Variants in SORCS1 observed in about 807,000 individuals in gnomAD.
SORCS1 encodes sortilin related VPS10 domain containing receptor 1, also known as VPS10 domain-containing receptor SorCS1.
SORCS1 carries 60 observed loss-of-function variants against 146.1 expected under a neutral mutation model. That is an observed-to-expected ratio of 0.41 (90% CI 0.33 to 0.51). SORCS1 has a LOEUF of 0.51. SORCS1 is among the 20% of genes least tolerant of loss of function. SORCS1 has a pLI of 0.21. For synonymous variants in SORCS1, 637 were observed against 584.0 expected, an observed-to-expected ratio of 1.09 and a Z score of -1.31; for missense variants, 1,352 against 1,487.6, an observed-to-expected ratio of 0.91 and a Z score of 1.50.
chr10:106,697,672 G>T (rs1853810198), intron 9 of SORCS1, among the ~76,000 whole-genome samples: 1 of 152,036 alleles, frequency 6.6e-6, no homozygotes, highest in South Asian at 2.1e-4. Context: ...TGTGCTCCGT[G>T]CTTTGAAAGG....
At chr10:106,888,171 G>A (rs1220033760) in intron 2 of SORCS1, among the ~76,000 whole-genome samples, 1 of 152,162 alleles carries the variant, frequency 6.6e-6, no homozygotes, top group East Asian at 1.9e-4. Flanking sequence ...TTCTTCAGAA[G>A]CTGATTTGAG....
chr10:106,577,477 G>A lies in SORCS1; in HGVS notation c.3450C>T (p.His1150=), dbSNP rs780611888. Residue 1150 remains histidine (H), a synonymous_variant, in exon 26 of 26, where the codon CAC becomes CAT. Coordinates refer to ENST00000263054, the MANE Select transcript of SORCS1 (RefSeq NM_052918.5). ...GCTTTGGCGTTGAAGGCGGAGTGGC[G>A]TGTCTTGCTCTTTGCAATCGGAGAG... is the stretch of plus-strand genomic sequence containing the variant. ...DSSLRLQRAR[H]ATPPSTPKRG... 1.6e-5 allele frequency: 26 copies of A among 1,602,644 alleles called. No individual in the cohort carries two copies. The highest frequency in any genetic ancestry group is 4.5e-5 in the East Asian group (2 of 44,294).
intron 21 of SORCS1, among the ~76,000 whole-genome samples, chr10:106,616,455 A>T (rs1847368539): frequency 6.6e-6 from 1 of 152,186 alleles, no homozygotes. Flanking sequence ...ACTCTGAAAA[A>T]AATGGGGATC....
At chr10:106,716,376 T>C (rs961944930) in intron 6 of SORCS1, among the ~76,000 whole-genome samples, 2 of 152,188 alleles carry the variant, frequency 1.3e-5, no homozygotes, top group African/African-American at 4.8e-5. Context: ...AGACTATTTC[T>C]TTACATAATG....
chr10:106,796,842 G>T (rs1946583307), intron 3 of SORCS1, among the ~76,000 whole-genome samples: 1 of 152,214 alleles, frequency 6.6e-6, no homozygotes, highest in Non-Finnish European at 1.5e-5. Flanking sequence ...GGGCACAGTG[G>T]CTCTTGCCTG....
intron 2 of SORCS1, among the ~76,000 whole-genome samples, chr10:106,906,658 G>A (rs141040171): frequency 1.2e-4 from 19 of 152,252 alleles, no homozygotes; most frequent in African/African-American, 4.3e-4. Context: ...TCCACAACAC[G>A]TGGGAATTCT....
At chr10:107,036,901 A>C (rs1031475982) in intron 1 of SORCS1, among the ~76,000 whole-genome samples, 1 of 152,228 alleles carries the variant, frequency 6.6e-6, no homozygotes, top group Non-Finnish European at 1.5e-5. Context: ...GCTTCTATTT[A>C]TAAAGAAGGC....
intron 6 of SORCS1, among the ~76,000 whole-genome samples, chr10:106,720,847 A>C (rs1207390739): frequency 2.6e-5 from 4 of 152,102 alleles, no homozygotes; most frequent in Non-Finnish European, 4.4e-5. Flanking sequence ...TATAATGGCT[A>C]CAAAGAACCC....
intron 1 of SORCS1, among the ~76,000 whole-genome samples, chr10:107,003,637 C>A (rs1957312871): frequency 6.6e-6 from 1 of 152,122 alleles, no homozygotes; most frequent in South Asian, 2.1e-4. Flanking sequence ...TCATGTTGTA[C>A]TGTAATCCTT....
At chr10:106,629,105 A>T in intron 19 of SORCS1, 97 bp downstream of exon 19, 3 of 1,065,684 alleles carry the variant, frequency 2.8e-6, no homozygotes, top group Non-Finnish European at 4.1e-6. Flanking sequence ...GCTAAAAGAT[A>T]ACTAGTGTAC....
chr10:107,138,841 C>T (rs567080455), intron 1 of SORCS1, among the ~76,000 whole-genome samples: 3 of 152,296 alleles, frequency 2.0e-5, no homozygotes, highest in Admixed American at 1.3e-4. Flanking sequence ...TCCGCTGTCC[C>T]TCACTGCAGA....
intron 24 of SORCS1, among the ~76,000 whole-genome samples, chr10:106,585,240 G>T (rs938730700): frequency 6.7e-6 from 1 of 149,546 alleles, no homozygotes; most frequent in Admixed American, 6.7e-5. Context: ...AAAAAAAAAT[G>T]TATAGTCTTT....
At chr10:106,635,550 A>G (rs1328362551) in intron 18 of SORCS1, among the ~76,000 whole-genome samples, 1 of 152,128 alleles carries the variant, frequency 6.6e-6, no homozygotes. Context: ...GCAGGAAGGG[A>G]TCAGCTGGAT....
At chr10:106,911,902 G>T (rs1279562030) in intron 2 of SORCS1, among the ~76,000 whole-genome samples, 1 of 152,100 alleles carries the variant, frequency 6.6e-6, no homozygotes, top group Non-Finnish European at 1.5e-5. Context: ...CACGAGGTCA[G>T]GAGATCAAGA....
rs759331552 is a variant in SORCS1, at chr10:106,597,459, A to T, written c.3166-9T>A. ...ATCAGCAATTCTGATATCTGAAAAAAGAAGCATAGTTAGTGACACCAAAAG... is the reference window on the plus strand; with the variant it reads ...ATCAGCAATTCTGATATCTGAAAAATGAAGCATAGTTAGTGACACCAAAAG... On this transcript the variant is annotated splice_polypyrimidine_tract_variant and intron_variant, in intron 23 of 25. Transcript: ENST00000263054. The T allele has an allele frequency of 1.9e-6, 3 of 1,610,814 alleles. No individual in the cohort carries two copies. Among genetic ancestry groups the T allele is most frequent in the African/African-American group, 1.3e-5 (1 of 74,970 alleles).
chr10:106,995,023 G>C (rs141992215), intron 1 of SORCS1, among the ~76,000 whole-genome samples: 17 of 152,126 alleles, frequency 1.1e-4, no homozygotes, highest in African/African-American at 3.9e-4. Context: ...TAAAAAGTAA[G>C]AACAGCCGGC....
chr10:106,600,517 C>T, intron 23 of SORCS1: 3 of 985,180 alleles, frequency 3.0e-6, no homozygotes, highest in Non-Finnish European at 3.6e-6. Context: ...CAGATTTTGA[C>T]AATATTTTAG....
In SORCS1 at chr10:107,000,449, A is replaced by G. The variant is rs368602619; in HGVS notation, c.559-43869T>C. ...CCCGTCTCTACTAAAATACAAAAAA[A>G]AAAAAAAATTATCTGGGCGTGGTGG... On this transcript the variant is annotated intron_variant, in intron 1 of 25. Coordinates refer to ENST00000263054, the MANE Select transcript of SORCS1 (RefSeq NM_052918.5). Among the ~76,000 whole-genome samples the G allele has an allele frequency of 4.1e-4, 63 of 152,040 alleles. 1 individual carries two copies. In the East Asian group the frequency reaches 6.8e-3, roughly 16 times the overall value.
intron 18 of SORCS1, among the ~76,000 whole-genome samples, chr10:106,645,019 T>TG (rs752985154): frequency 1.3e-5 from 2 of 152,136 alleles, no homozygotes; most frequent in Non-Finnish European, 2.9e-5. Context: ...GTGGTATACA[T>TG]GTTCAGCTAG....
Sources: gnomAD v4.1 joint callset for allele counts (sites outside exome capture counted in the v4.1 genomes callset) on GRCh38, gnomAD v4.1.1 for gene constraint, MANE v1.5 for transcripts, NCBI Gene and HGNC (gene_info 2026-07-23, HGNC 2026-07-21) for gene names.